Variants in ESRRG observed in about 807,000 individuals in gnomAD.
ESRRG encodes the protein estrogen-related receptor gamma.
ESRRG carries 13 observed loss-of-function variants against 44.0 expected under a neutral mutation model. The observed-to-expected ratio is 0.30, with a 90% confidence interval of 0.19 to 0.47. The LOEUF (loss-of-function observed/expected upper bound fraction) is 0.47, where lower values mean the gene tolerates loss of function less well. Among genes scored for constraint, ESRRG ranks in the 20% least tolerant of loss-of-function variants. The pLI is 1.00. For synonymous variants in ESRRG, 215 were observed against 214.6 expected (o/e 1.00, Z -0.02); for missense variants, 395 against 580.6 (o/e 0.68, Z 3.29).
chr1:217,123,864 C>T (rs2092856463), intron 1 of ESRRG, among the ~76,000 whole-genome samples: 1 of 152,060 alleles, frequency 6.6e-6, no homozygotes, highest in Non-Finnish European at 1.5e-5. Flanking sequence ...CACACGCTCA[C>T]CTACGTAACA....
intron 1 of ESRRG, among the ~76,000 whole-genome samples, chr1:217,029,869 C>A (rs934126250): frequency 1.3e-5 from 2 of 152,174 alleles, no homozygotes; most frequent in African/African-American, 4.8e-5. Flanking sequence ...TAAGGAAAGG[C>A]GCGGGTTTGA....
At chr1:216,890,277 A>G (rs1577727625) in intron 2 of ESRRG, among the ~76,000 whole-genome samples, 1 of 152,196 alleles carries the variant, frequency 6.6e-6, no homozygotes, top group African/African-American at 2.4e-5. Flanking sequence ...AAAAATAAAA[A>G]TAAAAATAAA....
chr1:216,907,541 A>AT (rs947550147), intron 2 of ESRRG, among the ~76,000 whole-genome samples: 1 of 152,114 alleles, frequency 6.6e-6, no homozygotes, highest in African/African-American at 2.4e-5. Flanking sequence ...ATCCTGTGTA[A>AT]TTTTTTATCA....
chr1:216,793,882 G>C (rs1285283707), intron 2 of ESRRG, among the ~76,000 whole-genome samples: 1 of 151,638 alleles, frequency 6.6e-6, no homozygotes, highest in Non-Finnish European at 1.5e-5. Flanking sequence ...CTGAATGAAT[G>C]ATCCTCTCCT....
chr1:217,072,930 C>T (rs1367188995), intron 1 of ESRRG, among the ~76,000 whole-genome samples: 1 of 151,996 alleles, frequency 6.6e-6, no homozygotes, highest in Non-Finnish European at 1.5e-5. Context: ...GACAAATACC[C>T]ATTGTCATTC....
At chr1:216,528,524 G>A (rs6680913) in intron 5 of ESRRG, among the ~76,000 whole-genome samples, 52,385 of 151,918 alleles carry the variant, frequency 0.34, 9,161 homozygotes, top group Non-Finnish European at 0.36. Context: ...ATACATTTAT[G>A]TTCTGTAGCT....
intron 1 of ESRRG, among the ~76,000 whole-genome samples, chr1:217,037,249 T>C (rs1040830346): frequency 1.4e-4 from 21 of 152,212 alleles, no homozygotes; most frequent in Admixed American, 1.3e-3. Flanking sequence ...CTTATTTCAC[T>C]GTATTAGTCT....
At chr1:217,104,775 C>A (rs1228103007) in intron 1 of ESRRG, among the ~76,000 whole-genome samples, 1 of 152,110 alleles carries the variant, frequency 6.6e-6, no homozygotes, top group Non-Finnish European at 1.5e-5. Context: ...TGATCAGCAG[C>A]CACAGTTTTT....
chr1:217,056,884 C>A (rs1423500500), intron 1 of ESRRG, among the ~76,000 whole-genome samples: 2 of 151,944 alleles, frequency 1.3e-5, no homozygotes, highest in Non-Finnish European at 2.9e-5. Flanking sequence ...CATTGGGTAT[C>A]GATGGACCTG....
intron 1 of ESRRG, among the ~76,000 whole-genome samples, chr1:217,069,120 A>T (rs36033930): frequency 4.7e-4 from 72 of 152,298 alleles, no homozygotes; most frequent in Non-Finnish European, 9.6e-4. Context: ...ACCCATCCTT[A>T]ATCTGTTTGG....
chr1:216,677,302 T>C lies in ESRRG; in HGVS notation c.246A>G (p.Pro82=), dbSNP rs763979655. The C allele has an allele frequency of 9.0e-5, 146 of 1,613,920 alleles. No homozygotes were observed. The highest frequency in any genetic ancestry group is 1.1e-4 in the Non-Finnish European group (133 of 1,180,006). The change falls in exon 2 of 7, where the codon CCA becomes CCG. Residue 82 remains proline, a synonymous_variant. Transcript: ENST00000408911. ...GGATAGGAGCAGAAGGGTAGAGAGG[T>C]GGCGAGTCAAGTCCGTTCTGATGGC... ...MNGHQNGLDS[P]PLYPSAPILG...
intron 2 of ESRRG, among the ~76,000 whole-genome samples, chr1:216,767,323 A>G (rs1291849477): frequency 6.6e-6 from 1 of 152,122 alleles, no homozygotes; most frequent in African/African-American, 2.4e-5. Context: ...CAAAGACACT[A>G]TTTCTGAAAA....
chr1:216,583,724 A>G (rs536065892), intron 3 of ESRRG, among the ~76,000 whole-genome samples: 1 of 152,356 alleles, frequency 6.6e-6, no homozygotes, highest in South Asian at 2.1e-4. Flanking sequence ...AGACTGGGCA[A>G]TTTACAAAGG....
chr1:216,945,063 A>C (rs2065851130), intron 1 of ESRRG, among the ~76,000 whole-genome samples: 1 of 152,182 alleles, frequency 6.6e-6, no homozygotes, highest in Admixed American at 6.5e-5. Context: ...GTCAGCTTAT[A>C]ATTAATAGCT....
intron 2 of ESRRG, among the ~76,000 whole-genome samples, chr1:216,743,571 T>C (rs2091016488): frequency 6.6e-6 from 1 of 152,320 alleles, no homozygotes. Flanking sequence ...AGAAAACACA[T>C]TGTGCCATGA....
chr1:217,063,626 C>T (rs151287287), intron 1 of ESRRG, among the ~76,000 whole-genome samples: 1 of 152,248 alleles, frequency 6.6e-6, no homozygotes, highest in African/African-American at 2.4e-5. Flanking sequence ...ACTAGAGAAG[C>T]TAAAACTCTC....
chr1:216,517,832 AAG>A (rs2044807934), intron 6 of ESRRG, among the ~76,000 whole-genome samples: 1 of 152,148 alleles, frequency 6.6e-6, no homozygotes, highest in Non-Finnish European at 1.5e-5. Flanking sequence ...AGCGTAGAAG[AAG>A]AGAGGTGCAT....
intron 5 of ESRRG, among the ~76,000 whole-genome samples, chr1:216,542,084 G>C (rs1179700227): frequency 1.3e-5 from 2 of 150,954 alleles, no homozygotes; most frequent in Non-Finnish European, 3.0e-5. Flanking sequence ...GAGAGAGAGA[G>C]AGAGAGAGAG....
intron 2 of ESRRG, among the ~76,000 whole-genome samples, chr1:216,858,541 C>T (rs1400244042): frequency 1.3e-5 from 2 of 152,150 alleles, no homozygotes; most frequent in African/African-American, 2.4e-5. Flanking sequence ...GAGTGACTCT[C>T]AAATGCTGGG....
Sources: gnomAD v4.1 joint callset for allele counts (sites outside exome capture counted in the v4.1 genomes callset) on GRCh38, gnomAD v4.1.1 for gene constraint, MANE v1.5 for transcripts, NCBI Gene and HGNC (gene_info 2026-07-23, HGNC 2026-07-21) for gene names.